KLF12: variants seen among roughly 807,000 people sequenced by gnomAD.
KLF12 encodes Krueppel-like factor 12.
Under a neutral mutation model 37.8 loss-of-function variants are expected in KLF12, and 9 were observed. The observed-to-expected ratio is 0.24, with a 90% CI of 0.14 to 0.42. KLF12 has a LOEUF of 0.42. Ranked by LOEUF, KLF12 falls within the 10% of genes least tolerant of loss-of-function variation. KLF12 has a pLI of 1.00. For missense variants in KLF12, 411 were observed against 516.0 expected (o/e 0.80, Z 1.97); for synonymous variants, 208 against 202.1 (o/e 1.03, Z -0.25).
chr13:73,787,762 A>T (rs1201144362), intron 5 of KLF12, among the ~76,000 whole-genome samples: 2 of 152,198 alleles, frequency 1.3e-5, no homozygotes. Context: ...TGACTTGGAG[A>T]CTATTTAACA....
the KLF12 span, among the ~76,000 whole-genome samples, chr13:74,295,192 A>G: frequency 2.0e-5 from 3 of 152,224 alleles, no homozygotes; most frequent in Admixed American, 2.0e-4. Flanking sequence ...TATGATGGCC[A>G]TAGCAGATGT....
chr13:73,876,185 GTCCTAA>G (rs976318648), intron 3 of KLF12, among the ~76,000 whole-genome samples: 1 of 151,620 alleles, frequency 6.6e-6, no homozygotes, highest in Non-Finnish European at 1.5e-5. Flanking sequence ...AGCTTGCTGA[GTCCTAA>G]TCTGGAGGTT....
In KLF12 at chr13:74,102,010, G is replaced by C. The variant is rs555096653; in HGVS notation, c.-32+31729C>G. Among the ~76,000 whole-genome samples the C allele has an allele frequency of 1.1e-4, 16 of 151,660 alleles. No homozygotes were observed. In the East Asian group the frequency reaches 3.2e-3, roughly 30 times the overall value. On this transcript the variant is annotated intron_variant, in intron 1 of 7. Transcript: ENST00000377669. ...CGAGACGGGCGGATCACAAGGTCAG[G>C]AGTTCGGGACCAGCCTGGCCAAGAT...
chr13:74,057,521 A>G (rs1328333089), intron 1 of KLF12, among the ~76,000 whole-genome samples: 1 of 152,250 alleles, frequency 6.6e-6, no homozygotes, highest in Non-Finnish European at 1.5e-5. Flanking sequence ...AGTATAAGAC[A>G]AAATATCTAT....
chr13:74,100,325 A>G (rs1430476453), intron 1 of KLF12, among the ~76,000 whole-genome samples: 2 of 152,162 alleles, frequency 1.3e-5, no homozygotes, highest in Non-Finnish European at 2.9e-5. Context: ...TTTAAAAAAT[A>G]TAATCACAGA....
chr13:74,222,230 A>G, the KLF12 span, among the ~76,000 whole-genome samples: 2 of 152,254 alleles, frequency 1.3e-5, no homozygotes, highest in East Asian at 3.8e-4. Flanking sequence ...TTTCAGAGGA[A>G]TCTATACTTC....
intron 6 of KLF12, among the ~76,000 whole-genome samples, chr13:73,758,255 AT>A (rs1198764126): frequency 6.6e-6 from 1 of 152,124 alleles, no homozygotes; most frequent in African/African-American, 2.4e-5. Context: ...GGGATGGAGA[AT>A]AACCCACATC....
chr13:74,171,677 A>G, the KLF12 span, among the ~76,000 whole-genome samples: 3 of 152,222 alleles, frequency 2.0e-5, no homozygotes, highest in East Asian at 3.8e-4. Context: ...GAAGTAGAGT[A>G]TAATGAAATG....
chr13:74,125,707 T>C (rs371288237), intron 1 of KLF12, among the ~76,000 whole-genome samples: 1 of 152,210 alleles, frequency 6.6e-6, no homozygotes, highest in African/African-American at 2.4e-5. Flanking sequence ...TTACTACATA[T>C]ATCAGCAAAC....
chr13:73,877,805 T>A (rs1461126801), intron 3 of KLF12, among the ~76,000 whole-genome samples: 1 of 152,118 alleles, frequency 6.6e-6, no homozygotes, highest in African/African-American at 2.4e-5. Context: ...GGCAAGGAAA[T>A]ATTGGGTAGA....
At chr13:74,024,562 A>G (rs1404369395) in intron 1 of KLF12, among the ~76,000 whole-genome samples, 3 of 152,236 alleles carry the variant, frequency 2.0e-5, no homozygotes, top group East Asian at 3.8e-4. Context: ...ACGTGGAGTG[A>G]AAATATTTTT....
the KLF12 span, among the ~76,000 whole-genome samples, chr13:74,252,246 AC>A: frequency 4.6e-5 from 7 of 152,182 alleles, no homozygotes; most frequent in Non-Finnish European, 8.8e-5. Context: ...CTTGCCAAGG[AC>A]CCTTAGGTAG....
At chr13:74,072,398 T>A (rs1216104089) in intron 1 of KLF12, among the ~76,000 whole-genome samples, 2 of 125,368 alleles carry the variant, frequency 1.6e-5, no homozygotes, top group East Asian at 2.4e-4. Flanking sequence ...TATATATATA[T>A]ATATATATAA....
chr13:73,799,477 C>G lies in KLF12; in HGVS notation c.806+13675G>C, dbSNP rs141979913. ...CTAATTTTTGTATGTAAAAGGATTA[C>G]ATATAATATTTTAATTCAATAACTG... On this transcript the variant is annotated intron_variant, in intron 5 of 7. Transcript: ENST00000377669. Among the ~76,000 whole-genome samples the G allele has an allele frequency of 1.7e-3, 207 of 125,368 alleles. 6 individuals are homozygous for G. The East Asian group carries it at 0.042, about 25-fold the overall frequency. The allele number at this position is 125,368 out of a possible 152,430, so 82.2% of individuals were successfully genotyped here.
At chr13:73,811,385 T>C (rs909037035) in intron 5 of KLF12, among the ~76,000 whole-genome samples, 1 of 152,230 alleles carries the variant, frequency 6.6e-6, no homozygotes, top group African/African-American at 2.4e-5. Flanking sequence ...CCATTTATTA[T>C]GTGACTGGAA....
chr13:73,747,891 A>T (rs959572305), intron 6 of KLF12, among the ~76,000 whole-genome samples: 5 of 152,230 alleles, frequency 3.3e-5, no homozygotes, highest in African/African-American at 1.2e-4. Flanking sequence ...GTTTTTCAAG[A>T]CATGTCACAG....
intron 2 of KLF12, chr13:73,960,397 A>C (rs770137716): frequency 6.6e-6 from 2 of 301,558 alleles, no homozygotes; most frequent in South Asian, 2.8e-5. Flanking sequence ...CTCACTTTTT[A>C]AAATAATTTT....
rs17062069 is a variant in KLF12 at position 74,068,001 on chromosome 13, T to C, written c.-32+65738A>G. Among the ~76,000 whole-genome samples, 813 of 152,334 alleles carry C rather than the reference T, an allele frequency of 5.3e-3. 4 individuals carry two copies. Among genetic ancestry groups the C allele is most frequent in the Middle Eastern group, 0.017 (5 of 294 alleles). On this transcript the variant is annotated intron_variant, in intron 1 of 7. Coordinates refer to ENST00000377669, the MANE Select transcript of KLF12 (RefSeq NM_007249.5). Reference sequence around the variant, plus strand: ...TGTCCAGATTAACCAATGAGCTCCATTCCCCTTGTAAATCATACTGACTGA... The same window carrying C: ...TGTCCAGATTAACCAATGAGCTCCACTCCCCTTGTAAATCATACTGACTGA...
the KLF12 span, among the ~76,000 whole-genome samples, chr13:74,166,108 T>TTTTG: frequency 7.7e-6 from 1 of 129,692 alleles, no homozygotes; most frequent in Non-Finnish European, 1.6e-5. Flanking sequence ...TTTTTTTTTT[T>TTTTG]TGAGATAGGG....
Sources: allele counts gnomAD v4.1 joint callset (sites outside exome capture counted in the v4.1 genomes callset), GRCh38; gene constraint gnomAD v4.1.1; transcripts MANE v1.5; gene names NCBI Gene and HGNC (gene_info 2026-07-23, HGNC 2026-07-21).